Variants in CAST observed in about 807,000 individuals in gnomAD.
CAST encodes calpastatin.
A neutral mutation model predicts 119.6 loss-of-function variants in CAST; 76 were observed. That is an observed-to-expected ratio of 0.64 (90% CI 0.53 to 0.77). The LOEUF is 0.77. Among genes scored for constraint, CAST ranks in the 30% least tolerant of loss-of-function variants. The pLI is 0.00. For synonymous variants in CAST, 319 were observed against 331.6 expected, an observed-to-expected ratio of 0.96 and a Z score of 0.41; for missense variants, 953 against 946.5, an observed-to-expected ratio of 1.01 and a Z score of -0.09.
At chr5:96,716,235 G>A (rs933017282) in intron 3 of CAST, among the ~76,000 whole-genome samples, 2 of 152,082 alleles carry the variant, frequency 1.3e-5, no homozygotes, top group African/African-American at 2.4e-5. Flanking sequence ...GTTTTGTTGC[G>A]GTTGTCTTAC....
chr5:96,172,299 G>A, the CAST span, among the ~76,000 whole-genome samples: 1 of 152,170 alleles, frequency 6.6e-6, no homozygotes, highest in Non-Finnish European at 1.5e-5. Flanking sequence ...AATGTCATCA[G>A]TTAAGGCAGG....
chr5:96,012,701 C>T, the CAST span, among the ~76,000 whole-genome samples: 1 of 152,144 alleles, frequency 6.6e-6, no homozygotes, highest in Non-Finnish European at 1.5e-5. Context: ...GTCTAGTTAT[C>T]AACTAGATGG....
At chr5:96,562,750 G>A (rs1379447967) in intron 1 of CAST, among the ~76,000 whole-genome samples, 1 of 152,150 alleles carries the variant, frequency 6.6e-6, no homozygotes, top group Non-Finnish European at 1.5e-5. Context: ...GGAAGATGGG[G>A]CTGGTTAAAT....
the CAST span, among the ~76,000 whole-genome samples, chr5:96,253,429 A>G: frequency 6.6e-6 from 1 of 152,150 alleles, no homozygotes. Context: ...TGTTTTTGAA[A>G]TATCCCTGGG....
the CAST span, among the ~76,000 whole-genome samples, chr5:96,141,007 C>T: frequency 2.6e-5 from 4 of 151,946 alleles, no homozygotes; most frequent in Admixed American, 1.3e-4. Flanking sequence ...GTGGGATTGC[C>T]GCCAGTTAAC....
At chr5:96,689,673 C>A (rs1752499696) in intron 2 of CAST, among the ~76,000 whole-genome samples, 1 of 152,154 alleles carries the variant, frequency 6.6e-6, no homozygotes, top group Non-Finnish European at 1.5e-5. Flanking sequence ...CCATCTAAGG[C>A]CACACAGTTA....
chr5:96,642,395 G>T (rs1017738970), intron 1 of CAST, among the ~76,000 whole-genome samples: 1 of 152,204 alleles, frequency 6.6e-6, no homozygotes, highest in East Asian at 1.9e-4. Context: ...ATAGCCTGGG[G>T]AATTAGAAAG....
the CAST span, among the ~76,000 whole-genome samples, chr5:96,127,022 G>A: frequency 6.6e-6 from 1 of 151,996 alleles, no homozygotes; most frequent in Non-Finnish European, 1.5e-5. Flanking sequence ...TAAGTATGTG[G>A]GCGATCCAAA....
chr5:96,191,439 A>T, the CAST span, among the ~76,000 whole-genome samples: 1 of 152,248 alleles, frequency 6.6e-6, no homozygotes, highest in East Asian at 1.9e-4. Context: ...CAGTTGAGTA[A>T]AAAGATAAGA....
the CAST span, among the ~76,000 whole-genome samples, chr5:96,409,051 G>A: frequency 2.6e-5 from 4 of 152,330 alleles, no homozygotes; most frequent in East Asian, 1.9e-4. Context: ...AGACTTACCC[G>A]AGATGTTCTC....
Position 96,774,397 on chromosome 5 carries a change from TAAC to T in CAST, c.*1782_*1784del, listed in dbSNP as rs1483105264. 2 of 475,398 alleles carry T rather than the reference TAAC, an allele frequency of 4.2e-6. No homozygotes were observed. The highest frequency in any genetic ancestry group is 5.5e-6 in the Non-Finnish European group (2 of 361,890). The allele number at this position is 475,398 out of a possible 1,614,324, so 29.4% of individuals were successfully genotyped here. A position where few individuals can be genotyped will look rare whatever the true frequency, so the allele number is the denominator to read the frequency against. On this transcript the variant is annotated 3_prime_UTR_variant, in exon 32 of 32. Transcript: ENST00000675179. Reference sequence around the variant, plus strand: ...TCTTCGAGACTTGGGTGTTTGTTAATAACTAATAACTGGAGTAAGCTACAGGAT... The same window carrying T: ...TCTTCGAGACTTGGGTGTTTGTTAATTAATAACTGGAGTAAGCTACAGGAT...
the CAST span, among the ~76,000 whole-genome samples, chr5:96,347,249 G>C: frequency 6.6e-6 from 1 of 152,110 alleles, no homozygotes; most frequent in African/African-American, 2.4e-5. Flanking sequence ...CTCCCTAATG[G>C]ACATTAATGC....
At chr5:96,527,220 T>A (rs796942413), upstream of CAST, among the ~76,000 whole-genome samples, 1 of 152,152 alleles carries the variant, frequency 6.6e-6, no homozygotes. Context: ...ATTATCAAGG[T>A]GAGATTCAAC....
the CAST span, among the ~76,000 whole-genome samples, chr5:96,032,363 AG>A: frequency 6.6e-6 from 1 of 152,146 alleles, no homozygotes; most frequent in African/African-American, 2.4e-5. Context: ...GGTAAAAAAA[AG>A]TTGGACTTGG....
the CAST span, among the ~76,000 whole-genome samples, chr5:96,355,836 G>A: frequency 2.4e-4 from 36 of 152,102 alleles, no homozygotes; most frequent in African/African-American, 8.2e-4. Context: ...CGAGTAGCTG[G>A]GACTACAGGT....
chr5:96,208,566 C>A, the CAST span, among the ~76,000 whole-genome samples: 1 of 151,870 alleles, frequency 6.6e-6, no homozygotes, highest in Non-Finnish European at 1.5e-5. Flanking sequence ...CTGATTTTTG[C>A]TTTAATTTCA....
the CAST span, among the ~76,000 whole-genome samples, chr5:96,423,636 C>T: frequency 6.6e-6 from 1 of 152,186 alleles, no homozygotes; most frequent in South Asian, 2.1e-4. Context: ...AAATGAACCC[C>T]CAGAGTGCTG....
the CAST span, among the ~76,000 whole-genome samples, chr5:95,982,018 A>G: frequency 6.6e-6 from 1 of 152,104 alleles, no homozygotes; most frequent in African/African-American, 2.4e-5. Flanking sequence ...GCTCACCACC[A>G]ATGCAAACCC....
At chr5:96,751,189 T>C (rs1285959972) in intron 20 of CAST, among the ~76,000 whole-genome samples, 1 of 150,128 alleles carries the variant, frequency 6.7e-6, no homozygotes, top group African/African-American at 2.4e-5. Context: ...AAGGTGAATC[T>C]TTGTTTCCTT....
Sources: gnomAD v4.1 joint callset for allele counts (sites outside exome capture counted in the v4.1 genomes callset) on GRCh38, gnomAD v4.1.1 for gene constraint, MANE v1.5 for transcripts, NCBI Gene and HGNC (gene_info 2026-07-23, HGNC 2026-07-21) for gene names.